The following AJAP1 variants were observed in gnomAD, a reference collection of about 807,000 sequenced individuals.
The protein encoded by AJAP1 is adherens junction-associated protein 1.
Under a neutral mutation model 35.0 loss-of-function variants are expected in AJAP1, and 5 were observed. That is an observed-to-expected ratio of 0.14 (90% CI 0.07 to 0.30). The LOEUF (loss-of-function observed/expected upper bound fraction) is 0.30, where lower values mean the gene tolerates loss of function less well. Among genes scored for constraint, AJAP1 ranks in the 10% least tolerant of loss-of-function variants. AJAP1 has a pLI of 1.00. For missense variants in AJAP1, 586 were observed against 571.0 expected (o/e 1.03, Z -0.27); for synonymous variants, 284 against 249.3 (o/e 1.14, Z -1.31).
intron 2 of AJAP1, among the ~76,000 whole-genome samples, chr1:4,728,782 T>G (rs769387328): frequency 9.2e-5 from 14 of 152,196 alleles, no homozygotes; most frequent in Non-Finnish European, 2.1e-4. Context: ...TGCACTGGCT[T>G]TTTTGGGTGG....
chr1:4,758,783 G>A (rs1641497756), intron 2 of AJAP1, among the ~76,000 whole-genome samples: 1 of 152,208 alleles, frequency 6.6e-6, no homozygotes, highest in East Asian at 1.9e-4. Context: ...TCAGGCTGCT[G>A]CTCGATTGAC....
At chr1:4,779,454 G>A (rs1642018858) in intron 5 of AJAP1, among the ~76,000 whole-genome samples, 1 of 151,970 alleles carries the variant, frequency 6.6e-6, no homozygotes, top group Non-Finnish European at 1.5e-5. Flanking sequence ...CTTTCACATG[G>A]GAAAGTGGCA....
intron 3 of AJAP1, among the ~76,000 whole-genome samples, 185 bp from the exon 4 acceptor site, chr1:4,772,095 T>TA (rs3835206): frequency 2.7e-5 from 4 of 146,916 alleles, no homozygotes; most frequent in Admixed American, 6.6e-5. Flanking sequence ...TTTTTTTTTT[T>TA]AAAAAAAAAG....
chr1:4,711,547 G>A (rs1295887693), intron 1 of AJAP1, among the ~76,000 whole-genome samples: 1 of 152,312 alleles, frequency 6.6e-6, no homozygotes, highest in African/African-American at 2.4e-5. Context: ...GTCTTTTCAG[G>A]TTATCTTGTC....
chr1:4,719,644 C>A (rs1400947750), intron 2 of AJAP1, among the ~76,000 whole-genome samples: 1 of 152,142 alleles, frequency 6.6e-6, no homozygotes, highest in African/African-American at 2.4e-5. Context: ...CCCGGCAGCT[C>A]AGTTTCTTGG....
rs909799378 is a variant in AJAP1, at chr1:4,655,725, C to G, written c.29+271C>G. On this transcript the variant is annotated intron_variant, in intron 1 of 5. Coordinates refer to ENST00000378191, the MANE Select transcript of AJAP1 (RefSeq NM_018836.4). This position sits in a 1 kb window ranked among gnomAD's most constrained non-coding sequence, Gnocchi z 6.9. ...CAGCAACCCGGGAAGTGGGGCCGGC[C>G]AGGCGCGCCCGCAGCTCTAGGAGCC... Among the ~76,000 whole-genome samples the G allele has an allele frequency of 3.3e-5, 5 of 150,530 alleles. No individual in the cohort carries two copies. The highest frequency in any genetic ancestry group is 7.4e-5 in the Non-Finnish European group (5 of 67,520).
intron 1 of AJAP1, among the ~76,000 whole-genome samples, chr1:4,697,475 T>A (rs1364573863): frequency 6.6e-6 from 1 of 152,254 alleles, no homozygotes; most frequent in Non-Finnish European, 1.5e-5. Context: ...AAAATGCTGA[T>A]GGTGGCTGGT....
At chr1:4,754,805 C>T (rs117586966) in intron 2 of AJAP1, among the ~76,000 whole-genome samples, 23 of 152,294 alleles carry the variant, frequency 1.5e-4, no homozygotes, top group East Asian at 1.4e-3. Flanking sequence ...TTATTCCAAG[C>T]GAGCGAGCCT....
chr1:4,777,331 T>G (rs1641959263), intron 5 of AJAP1: 2 of 152,370 alleles, frequency 1.3e-5, no homozygotes, highest in Non-Finnish European at 2.9e-5. Context: ...ACCACACCAT[T>G]GTCTTTCTTC....
intron 1 of AJAP1, among the ~76,000 whole-genome samples, chr1:4,678,663 A>G (rs1448483752): frequency 6.6e-6 from 1 of 152,214 alleles, no homozygotes; most frequent in African/African-American, 2.4e-5. Flanking sequence ...CAGAAGTAAC[A>G]TCATCACCTT....
rs774530436 is a variant in AJAP1, at chr1:4,712,281, G to A, written c.411G>A (p.Ser137=). 63 of 1,504,576 alleles carry A rather than the reference G, an allele frequency of 4.2e-5. No homozygotes were observed. The highest frequency in any genetic ancestry group is 2.0e-4 in the African/African-American group (14 of 71,372). The allele number at this position is 1,504,576 out of a possible 1,614,324, so 93.2% of individuals were successfully genotyped here. ...SPSLASSSSS[S]SSAVAGGAPE... The stretch of plus-strand genomic sequence containing the variant: ...CCCTCGCCTCTTCGTCCTCGTCCTC[G>A]TCCTCCGCGGTGGCCGGTGGGGCCC... Residue 137 remains serine (S), a synonymous_variant, in exon 2 of 6, where the codon TCG becomes TCA. Coordinates refer to ENST00000378191, the MANE Select transcript of AJAP1 (RefSeq NM_018836.4).
intron 1 of AJAP1, among the ~76,000 whole-genome samples, chr1:4,666,058 AC>A (rs1283373972): frequency 2.6e-5 from 4 of 151,518 alleles, no homozygotes; most frequent in Non-Finnish European, 4.4e-5. Context: ...ATGTGGAGGC[AC>A]CCCGCAGTGA....
intron 4 of AJAP1, among the ~76,000 whole-genome samples, chr1:4,772,810 T>C (rs941359142): frequency 5.9e-5 from 9 of 152,206 alleles, no homozygotes; most frequent in African/African-American, 2.2e-4. Flanking sequence ...GCCCTCGCTC[T>C]GAACCGTCAT....
At position 4,783,611 on chromosome 1, in the gene AJAP1, TC is replaced by T. The variant is rs1642112778; in HGVS notation, c.*1127del. The T allele has an allele frequency of 6.7e-6, 1 of 149,732 alleles. No individual in the cohort carries two copies. Among genetic ancestry groups the T allele is most frequent in the African/African-American group, 2.5e-5 (1 of 40,734 alleles). The allele number at this position is 149,732 out of a possible 1,614,324, so 9.3% of individuals were successfully genotyped here. A position where few individuals can be genotyped will look rare whatever the true frequency, so the allele number is the denominator to read the frequency against. On this transcript the variant is annotated 3_prime_UTR_variant, in exon 6 of 6. Transcript: ENST00000378191. ...TATGCATACATATGATTTTTTTTTT[TC>T]ATTTAAGTGTTGGAAGATGCTACCT...
chr1:4,708,092 C>T (rs1325931307), intron 1 of AJAP1, among the ~76,000 whole-genome samples: 1 of 151,610 alleles, frequency 6.6e-6, no homozygotes, highest in African/African-American at 2.4e-5. Context: ...CTCAGCCTCC[C>T]GAGTAGCTGG....
rs1400924023 is a variant in AJAP1 at position 4,791,981 on chromosome 1, C to T, written c.*9496C>T. 2.6e-5 allele frequency: 4 copies of T among 152,198 alleles called. No individual in the cohort carries two copies. The highest frequency in any genetic ancestry group is 9.7e-5 in the African/African-American group (4 of 41,444). The allele number at this position is 152,198 out of a possible 1,614,324, so 9.4% of individuals were successfully genotyped here. On this transcript the variant is annotated 3_prime_UTR_variant, in exon 6 of 6. Transcript: ENST00000378191. Reference sequence around the variant, plus strand: ...TTAAACAGCAACGGCCACATGGCCTCTTTTTTCACAGGTTTTGCATTGAAT... The same window carrying T: ...TTAAACAGCAACGGCCACATGGCCTTTTTTTTCACAGGTTTTGCATTGAAT...
At chr1:4,763,899 G>A (rs980154017) in intron 2 of AJAP1, among the ~76,000 whole-genome samples, 2 of 102,378 alleles carry the variant, frequency 2.0e-5, no homozygotes, top group African/African-American at 3.8e-5. Context: ...CTCCCTCTCC[G>A]CCTCCCTCTC....
At chr1:4,657,751 G>T (rs537249281) in intron 1 of AJAP1, among the ~76,000 whole-genome samples, 5 of 151,920 alleles carry the variant, frequency 3.3e-5, no homozygotes, top group Non-Finnish European at 5.9e-5. Context: ...TCTTAGTTCC[G>T]GCCCCAGAGA....
chr1:4,684,512 C>T (rs563534393), intron 1 of AJAP1, among the ~76,000 whole-genome samples: 4 of 152,162 alleles, frequency 2.6e-5, no homozygotes, highest in Admixed American at 6.5e-5. Flanking sequence ...AAGGGAGTAC[C>T]TTGAGCACAT....
Sources: allele counts gnomAD v4.1 joint callset (sites outside exome capture counted in the v4.1 genomes callset), GRCh38; gene constraint gnomAD v4.1.1; non-coding constraint Gnocchi (gnomAD v3.1); transcripts MANE v1.5; gene names NCBI Gene and HGNC (gene_info 2026-07-23, HGNC 2026-07-21).